ROPN1: variants seen among roughly 807,000 people sequenced by gnomAD.
ROPN1 encodes rhophilin associated tail protein 1, also known as ropporin-1A.
Under a neutral mutation model 20.5 loss-of-function variants are expected in ROPN1, and 14 were observed. The ratio of observed to expected loss-of-function variants is 0.68; its 90% CI spans 0.45 to 1.07. The LOEUF is 1.07. Among genes scored for constraint, ROPN1 ranks in the 50% least tolerant of loss-of-function variants. ROPN1 has a pLI of 0.00. For missense variants in ROPN1, 169 were observed against 242.8 expected (o/e 0.70, Z 2.02); for synonymous variants, 76 against 95.7 (o/e 0.79, Z 1.20).
chr3:123,989,184 G>A (rs2038340923), intron 1 of ROPN1, among the ~76,000 whole-genome samples: 1 of 152,150 alleles, frequency 6.6e-6, no homozygotes, highest in Non-Finnish European at 1.5e-5. Flanking sequence ...TGTCAGAAAC[G>A]TGACAAGTTC....
At chr3:123,980,546 G>T in intron 1 of ROPN1, 53 bp from the exon 2 acceptor site, 1 of 1,556,302 alleles carries the variant, frequency 6.4e-7, no homozygotes, top group South Asian at 1.2e-5. Flanking sequence ...TTCATACGAT[G>T]AGAGCAATCC....
chr3:123,983,470 A>G (rs1443870133), intron 1 of ROPN1, among the ~76,000 whole-genome samples: 1 of 152,238 alleles, frequency 6.6e-6, no homozygotes, highest in East Asian at 1.9e-4. Flanking sequence ...AAGATGCCCC[A>G]ATCCTAATTA....
rs541195459 is a variant in ROPN1 at position 123,980,347 on chromosome 3, G to A, written c.116+19C>T. 1.2e-6 allele frequency: 2 copies of A among 1,613,366 alleles called. No homozygotes were observed. The highest frequency in any genetic ancestry group is 4.5e-5 in the East Asian group (2 of 44,866). On this transcript the variant is annotated intron_variant, in intron 2 of 5. Coordinates refer to ENST00000405845, the MANE Select transcript of ROPN1 (RefSeq NM_001317774.2). ...TCCGGCCGTCCTCCAAGGGGTGAAG[G>A]CGAGAAAGGAGCACGTACTCGGCTG...
chr3:123,991,173 T>C (rs2038402324), intron 1 of ROPN1: 1 of 148,150 alleles, frequency 6.7e-6, no homozygotes, highest in Admixed American at 6.8e-5. Flanking sequence ...TTCCAGAGCA[T>C]CACTTACCTA....
At chr3:123,973,089 C>T (rs769170402) in intron 4 of ROPN1, among the ~76,000 whole-genome samples, 31 of 152,198 alleles carry the variant, frequency 2.0e-4, no homozygotes, top group Admixed American at 1.1e-3. Context: ...CCAATCAACT[C>T]CCAGAGGCCC....
intron 4 of ROPN1, among the ~76,000 whole-genome samples, chr3:123,971,884 G>A (rs995531433): frequency 6.6e-6 from 1 of 152,162 alleles, no homozygotes; most frequent in African/African-American, 2.4e-5. Context: ...TGGAGAATGT[G>A]ATTGTATTTG....
Position 123,980,401 on chromosome 3 carries a change from C to T in ROPN1, c.81G>A (p.Arg27=), listed in dbSNP as rs2038114700. ...ACTGGATGAGGTCCTGCGGCTGCAC[C>T]CTAATGGCGGCTTTGGCAAACTCCT... ...MLKEFAKAAI[R]VQPQDLIQWA... is the part of the protein sequence containing the mutation. Residue 27 remains arginine, a synonymous_variant, in exon 2 of 6, where the codon AGG becomes AGA. Transcript: ENST00000405845. 1 of 1,614,184 alleles carries T rather than the reference C, an allele frequency of 6.2e-7. No individual in the cohort carries two copies. Among genetic ancestry groups the T allele is most frequent in the Admixed American group, 1.7e-5 (1 of 60,016 alleles).
chr3:123,977,809 A>G (rs1014865394), intron 2 of ROPN1, among the ~76,000 whole-genome samples: 2 of 152,174 alleles, frequency 1.3e-5, no homozygotes, highest in African/African-American at 4.8e-5. Flanking sequence ...TGTTTTGTGG[A>G]GTGGACTTCG....
chr3:123,983,760 G>A (rs1336699708), intron 1 of ROPN1, among the ~76,000 whole-genome samples: 2 of 151,936 alleles, frequency 1.3e-5, no homozygotes, highest in African/African-American at 4.8e-5. Context: ...AGTGCCAGGT[G>A]CACTCATAAC....
At chr3:123,982,890 C>T (rs1043736792) in intron 1 of ROPN1, among the ~76,000 whole-genome samples, 32 of 152,350 alleles carry the variant, frequency 2.1e-4, no homozygotes, top group African/African-American at 7.2e-4. Flanking sequence ...TCCTTCCCCA[C>T]AGCTCCTGGC....
At chr3:123,982,406 CA>C (rs2038168987) in intron 1 of ROPN1, among the ~76,000 whole-genome samples, 1 of 151,956 alleles carries the variant, frequency 6.6e-6, no homozygotes, top group East Asian at 1.9e-4. Flanking sequence ...ATGATAAATA[CA>C]AATTCAGAAT....
chr3:123,990,048 ATT>A (rs2038367671), intron 1 of ROPN1, among the ~76,000 whole-genome samples: 1 of 152,122 alleles, frequency 6.6e-6, no homozygotes, highest in African/African-American at 2.4e-5. Context: ...TTACTATATG[ATT>A]TATTTCTCTT....
chr3:123,976,921 G>A lies in ROPN1; in HGVS notation c.177C>T (p.Val59=), dbSNP rs1408872532. 1.6e-5 allele frequency: 26 copies of A among 1,614,150 alleles called. No homozygotes were observed. Among genetic ancestry groups the A allele is most frequent in the Non-Finnish European group, 1.9e-5 (23 of 1,180,026 alleles). Residue 59 remains valine, a synonymous_variant, in exon 3 of 6, where the codon GTC becomes GTT. Transcript: ENST00000405845. ...TPPVRERSER[V]ALCNRAELTP... ...TTAGCTCTGCCCGGTTACACAAAGC[G>A]ACTCGCTCAGACCGCTCTCTCACCG...
intron 4 of ROPN1, among the ~76,000 whole-genome samples, chr3:123,972,978 C>T (rs1463648458): frequency 2.0e-5 from 3 of 152,112 alleles, no homozygotes; most frequent in South Asian, 2.1e-4. Flanking sequence ...CTGGTGAGGG[C>T]CTGTTCCTCA....
intron 2 of ROPN1, 128 bp downstream of exon 2, chr3:123,980,238 A>G: frequency 1.3e-6 from 1 of 798,310 alleles, no homozygotes; most frequent in Admixed American, 2.2e-5. Context: ...GCAATGCAAG[A>G]GCTAAAACAA....
At chr3:123,979,995 A>G (rs936684086) in intron 2 of ROPN1, 1 of 465,180 alleles carries the variant, frequency 2.1e-6, no homozygotes, top group Admixed American at 3.6e-5. Context: ...GAAGAAAGGC[A>G]GATTAAGCTT....
chr3:123,982,479 A>G (rs1044186055), intron 1 of ROPN1, among the ~76,000 whole-genome samples: 6 of 152,136 alleles, frequency 3.9e-5, no homozygotes, highest in African/African-American at 1.4e-4. Context: ...GAAATACAAC[A>G]AGGGTCTCAG....
intron 4 of ROPN1, 157 bp downstream of exon 4, chr3:123,975,222 C>T (rs574165920): frequency 1.1e-6 from 1 of 930,700 alleles, no homozygotes; most frequent in South Asian, 1.5e-5. Flanking sequence ...CTGACGAGCA[C>T]AGAAATGACC....
At chr3:123,989,362 C>T (rs1224222769) in intron 1 of ROPN1, among the ~76,000 whole-genome samples, 1 of 152,128 alleles carries the variant, frequency 6.6e-6, no homozygotes, top group African/African-American at 2.4e-5. Context: ...GCTTTAGGTC[C>T]GGTTATCAAT....
Sources: allele counts gnomAD v4.1 joint callset (sites outside exome capture counted in the v4.1 genomes callset), GRCh38; gene constraint gnomAD v4.1.1; transcripts MANE v1.5; gene names NCBI Gene and HGNC (gene_info 2026-07-23, HGNC 2026-07-21).